SEMA6D: variants seen among roughly 807,000 people sequenced by gnomAD.
SEMA6D encodes the protein semaphorin 6D, also known as semaphorin-6D.
In SEMA6D, 35 loss-of-function variants were observed where a neutral mutation model predicts 106.6. That is an observed-to-expected ratio of 0.33 (90% CI 0.25 to 0.44). The LOEUF (loss-of-function observed/expected upper bound fraction) is 0.44. SEMA6D is among the 20% of genes least tolerant of loss of function. The probability of loss-of-function intolerance (pLI) is 1.00; values close to 1 mark genes in which losing one functional copy is unlikely to be tolerated. For missense variants in SEMA6D, 1,185 were observed against 1,345.9 expected, an observed-to-expected ratio of 0.88 and a Z score of 1.87; for synonymous variants, 499 against 487.7, an observed-to-expected ratio of 1.02 and a Z score of -0.31.
intron 3 of SEMA6D, among the ~76,000 whole-genome samples, chr15:47,512,166 G>A (rs77281254): frequency 0.023 from 3,447 of 152,190 alleles, 132 homozygotes; most frequent in African/African-American, 0.078. Flanking sequence ...GTGCTGTTAG[G>A]TTATCAAGCA....
chr15:47,289,446 A>G (rs962872760), intron 1 of SEMA6D, among the ~76,000 whole-genome samples: 27 of 151,376 alleles, frequency 1.8e-4, no homozygotes, highest in Admixed American at 1.5e-3. Flanking sequence ...AGTTCAGCAT[A>G]TTTGTTTTTC....
At chr15:47,744,449 A>G (rs1343846267) in intron 1 of SEMA6D, among the ~76,000 whole-genome samples, 1 of 152,096 alleles carries the variant, frequency 6.6e-6, no homozygotes, top group Admixed American at 6.5e-5. Flanking sequence ...CACATCCTAC[A>G]ATTTAAAAAA....
At chr15:47,650,610 C>A (rs953783783) in intron 4 of SEMA6D, among the ~76,000 whole-genome samples, 1 of 152,256 alleles carries the variant, frequency 6.6e-6, no homozygotes, top group Middle Eastern at 3.4e-3. Flanking sequence ...TCAAATCTCA[C>A]GTTTATTAAC....
intron 3 of SEMA6D, among the ~76,000 whole-genome samples, chr15:47,543,986 G>T (rs1278568321): frequency 6.6e-6 from 1 of 152,116 alleles, no homozygotes; most frequent in Non-Finnish European, 1.5e-5. Context: ...GTATTTGAAA[G>T]TCTCTGCCAT....
At chr15:47,192,287 A>C (rs150533006) in intron 1 of SEMA6D, among the ~76,000 whole-genome samples, 280 of 152,310 alleles carry the variant, frequency 1.8e-3, no homozygotes, top group African/African-American at 6.5e-3. Context: ...ATCTACCAGC[A>C]CCTGCTCCCA....
intron 3 of SEMA6D, among the ~76,000 whole-genome samples, chr15:47,549,032 A>G (rs542431624): frequency 6.7e-4 from 102 of 152,268 alleles, no homozygotes; most frequent in Middle Eastern, 3.4e-3. Context: ...GCTGAAGACC[A>G]TTACACTTTT....
chr15:47,504,279 G>C (rs1000478106), intron 3 of SEMA6D, among the ~76,000 whole-genome samples: 2 of 152,128 alleles, frequency 1.3e-5, no homozygotes, highest in Non-Finnish European at 2.9e-5. Context: ...AGCCAGCCAG[G>C]ACTCATCTGA....
chr15:47,758,945 A>G (rs1000786505), intron 1 of SEMA6D, among the ~76,000 whole-genome samples: 1 of 152,146 alleles, frequency 6.6e-6, no homozygotes, highest in African/African-American at 2.4e-5. Context: ...GATGGTCCCT[A>G]AGGACCCCCA....
chr15:47,494,789 T>TATATATATATAA (rs1172707329), intron 3 of SEMA6D, among the ~76,000 whole-genome samples: 8 of 88,866 alleles, frequency 9.0e-5, no homozygotes, highest in African/African-American at 4.0e-4. Flanking sequence ...TATATATATA[T>TATATATATATAA]AATCTCCAGA....
intron 1 of SEMA6D, among the ~76,000 whole-genome samples, chr15:47,309,793 G>A (rs897316564): frequency 9.2e-5 from 14 of 152,134 alleles, no homozygotes; most frequent in South Asian, 2.1e-4. Context: ...ATAATAAAGC[G>A]TTGAATATCT....
chr15:47,758,943 C>T (rs1488243284), intron 1 of SEMA6D, among the ~76,000 whole-genome samples: 2 of 152,240 alleles, frequency 1.3e-5, no homozygotes, highest in African/African-American at 4.8e-5. Flanking sequence ...TAGATGGTCC[C>T]TAAGGACCCC....
At chr15:47,324,782 A>G (rs913283338) in intron 1 of SEMA6D, among the ~76,000 whole-genome samples, 4 of 151,718 alleles carry the variant, frequency 2.6e-5, no homozygotes, top group Non-Finnish European at 5.9e-5. Flanking sequence ...GCTATTATAC[A>G]TGTGTATGTG....
At chr15:47,292,899 T>C (rs966291909) in intron 1 of SEMA6D, among the ~76,000 whole-genome samples, 1 of 152,234 alleles carries the variant, frequency 6.6e-6, no homozygotes, top group African/African-American at 2.4e-5. Flanking sequence ...CATTTCATGC[T>C]GCTTGGCAGT....
At chr15:47,514,809 T>C (rs759607567) in intron 3 of SEMA6D, among the ~76,000 whole-genome samples, 4 of 152,182 alleles carry the variant, frequency 2.6e-5, no homozygotes, top group Admixed American at 2.0e-4. Context: ...TCCTTTACAA[T>C]GGTCAGAAAT....
intron 1 of SEMA6D, among the ~76,000 whole-genome samples, chr15:47,362,594 C>G (rs992106715): frequency 2.0e-5 from 3 of 152,182 alleles, no homozygotes; most frequent in Non-Finnish European, 2.9e-5. Flanking sequence ...GAAATCTACT[C>G]TAGTCTCTGA....
chr15:47,587,301 A>T (rs184060934), intron 3 of SEMA6D, among the ~76,000 whole-genome samples: 1 of 152,162 alleles, frequency 6.6e-6, no homozygotes, highest in African/African-American at 2.4e-5. Flanking sequence ...TTCCATTCAG[A>T]CAGTCCCTTG....
intron 1 of SEMA6D, among the ~76,000 whole-genome samples, chr15:47,207,973 C>T (rs1017074502): frequency 7.0e-6 from 1 of 143,310 alleles, no homozygotes; most frequent in Non-Finnish European, 1.5e-5. Context: ...GAAACAGGTA[C>T]AGTAGCCACT....
chr15:47,463,873 C>G (rs2042585353), intron 2 of SEMA6D, among the ~76,000 whole-genome samples: 1 of 152,124 alleles, frequency 6.6e-6, no homozygotes, highest in South Asian at 2.1e-4. Flanking sequence ...TCCAGTCATA[C>G]TTTGGCTTGT....
At chr15:47,542,930 C>T (rs1311586497) in intron 3 of SEMA6D, among the ~76,000 whole-genome samples, 1 of 152,104 alleles carries the variant, frequency 6.6e-6, no homozygotes, top group Non-Finnish European at 1.5e-5. Flanking sequence ...AGGACAGAAG[C>T]CAGCTCAAGT....
Sources: allele counts gnomAD v4.1 joint callset (sites outside exome capture counted in the v4.1 genomes callset), GRCh38; gene constraint gnomAD v4.1.1; transcripts MANE v1.5; gene names NCBI Gene and HGNC (gene_info 2026-07-23, HGNC 2026-07-21).